PCDH15: variants seen among roughly 807,000 people sequenced by gnomAD.
The protein encoded by PCDH15 is protocadherin related 15.
In PCDH15, 129 loss-of-function variants were observed where a neutral mutation model predicts 178.5. The observed-to-expected ratio is 0.72, with a 90% CI of 0.63 to 0.84. The LOEUF is 0.84. PCDH15 is among the 40% of genes least tolerant of loss of function. The probability of loss-of-function intolerance (pLI) is 0.00; values close to 1 mark genes in which losing one functional copy is unlikely to be tolerated. For missense variants in PCDH15, 2,230 were observed against 2,099.9 expected (o/e 1.06, Z -1.21); for synonymous variants, 800 against 732.0 (o/e 1.09, Z -1.50).
intron 1 of PCDH15, among the ~76,000 whole-genome samples, chr10:55,258,867 C>A (rs1029707540): frequency 1.3e-5 from 2 of 150,438 alleles, no homozygotes; most frequent in Admixed American, 6.7e-5. Context: ...AACCGCAGGG[C>A]CTCTCAAAAA....
intron 2 of PCDH15, among the ~76,000 whole-genome samples, chr10:55,072,971 C>T (rs1035859553): frequency 7.2e-5 from 11 of 152,036 alleles, no homozygotes; most frequent in African/African-American, 2.7e-4. Context: ...TGTAATCCAG[C>T]ATATAAATAG....
intron 3 of PCDH15, among the ~76,000 whole-genome samples, chr10:54,887,913 T>C (rs910345404): frequency 2.0e-5 from 3 of 152,136 alleles, no homozygotes; most frequent in Non-Finnish European, 4.4e-5. Flanking sequence ...TCCAACTAGA[T>C]GTCATATTCT....
chr10:54,140,563 G>A (rs1480065639), intron 14 of PCDH15, among the ~76,000 whole-genome samples: 1 of 151,888 alleles, frequency 6.6e-6, no homozygotes, highest in Non-Finnish European at 1.5e-5. Context: ...CTGCCTCCCG[G>A]GTTCAAGTGA....
chr10:53,822,597 G>T (rs753050179), intron 32 of PCDH15: 1 of 1,613,950 alleles, frequency 6.2e-7, no homozygotes, highest in East Asian at 2.2e-5. Flanking sequence ...AGAGAGTGAA[G>T]AATGTAAAAC....
intron 1 of PCDH15, among the ~76,000 whole-genome samples, chr10:55,226,450 TGCAACCC>T (rs1841045878): frequency 6.6e-6 from 1 of 151,842 alleles, no homozygotes; most frequent in Admixed American, 6.6e-5. Context: ...CCTGCAACCC[TGCAACCC>T]TGCAACCTCT....
intron 2 of PCDH15, among the ~76,000 whole-genome samples, chr10:54,911,223 T>C (rs1303204516): frequency 6.6e-6 from 1 of 152,182 alleles, no homozygotes; most frequent in Non-Finnish European, 1.5e-5. Context: ...AGCTCAGATT[T>C]CATAGAAGGA....
rs1260726687 is a variant in PCDH15 at position 55,408,987 on chromosome 10, G to T, written c.-156+218638C>A. ...ATTATGTTTTTATCCTAATTCACTT[G>T]ACACTCTGTCTTTTTTACTGGAATC... On this transcript the variant is annotated intron_variant, in intron 2 of 5. Coordinates refer to the PCDH15 transcript ENST00000613346. Among the ~76,000 whole-genome samples, 3 of 152,036 alleles carry T rather than the reference G, an allele frequency of 2.0e-5. No individual in the cohort carries two copies. In the South Asian group the frequency reaches 6.2e-4, roughly 32 times the overall value.
chr10:54,753,516 A>C (rs7079568), intron 1 of PCDH15, among the ~76,000 whole-genome samples: 135,514 of 151,330 alleles, frequency 0.9, 60,503 homozygotes, highest in Admixed American at 0.94. Flanking sequence ...AACAAACAAA[A>C]AAAAAAACTT....
intron 37 of PCDH15, chr10:53,809,293 A>G (rs2075779179): frequency 1.2e-6 from 2 of 1,613,830 alleles, no homozygotes; most frequent in African/African-American, 1.3e-5. Context: ...CTCTTGGTCC[A>G]GAGTGAGTTT....
intron 25 of PCDH15, among the ~76,000 whole-genome samples, chr10:53,906,405 C>G (rs1233299724): frequency 1.3e-5 from 2 of 151,962 alleles, no homozygotes; most frequent in Non-Finnish European, 2.9e-5. Flanking sequence ...TGATTTTATT[C>G]TTATTAGATT....
chr10:54,415,821 T>G (rs1335981171), intron 3 of PCDH15, among the ~76,000 whole-genome samples: 1 of 152,144 alleles, frequency 6.6e-6, no homozygotes, highest in East Asian at 1.9e-4. Flanking sequence ...GGAAATGTTG[T>G]ATGATCTCGA....
intron 2 of PCDH15, among the ~76,000 whole-genome samples, chr10:55,158,803 C>A (rs988052173): frequency 6.6e-6 from 1 of 151,498 alleles, no homozygotes; most frequent in Non-Finnish European, 1.5e-5. Context: ...CATTTGTAAT[C>A]TCAAGGGATT....
chr10:54,470,473 TG>T (rs1460499500), intron 3 of PCDH15, among the ~76,000 whole-genome samples: 1 of 152,046 alleles, frequency 6.6e-6, no homozygotes, highest in Non-Finnish European at 1.5e-5. Context: ...TGCAAACTGG[TG>T]GGGACTGGGC....
At chr10:55,082,884 A>G (rs576838620) in intron 2 of PCDH15, among the ~76,000 whole-genome samples, 1 of 152,086 alleles carries the variant, frequency 6.6e-6, no homozygotes, top group East Asian at 1.9e-4. Flanking sequence ...ATAGCAAGTA[A>G]TGAGATCAAA....
intron 1 of PCDH15, among the ~76,000 whole-genome samples, chr10:55,176,656 C>T (rs549664063): frequency 6.6e-6 from 1 of 152,200 alleles, no homozygotes; most frequent in South Asian, 2.1e-4. Context: ...GGAGACGTTC[C>T]AGGATCACTA....
At chr10:54,645,365 CT>C (rs2135069203) in intron 2 of PCDH15, among the ~76,000 whole-genome samples, 1 of 151,854 alleles carries the variant, frequency 6.6e-6, no homozygotes, top group East Asian at 1.9e-4. Context: ...ATAGAAGAGA[CT>C]TGAATGAAAC....
chr10:55,320,643 A>T (rs568654399), upstream of PCDH15, among the ~76,000 whole-genome samples: 245 of 151,130 alleles, frequency 1.6e-3, no homozygotes, highest in African/African-American at 5.6e-3. Context: ...GCCTGATGCC[A>T]CCCCCCCCAG....
chr10:55,553,376 T>A (rs1842035028), intron 2 of PCDH15, among the ~76,000 whole-genome samples: 1 of 151,840 alleles, frequency 6.6e-6, no homozygotes, highest in African/African-American at 2.4e-5. Flanking sequence ...TTCTATGTAA[T>A]CCAGTAATTA....
At chr10:55,413,255 T>C (rs1381495726) in intron 2 of PCDH15, among the ~76,000 whole-genome samples, 2 of 151,664 alleles carry the variant, frequency 1.3e-5, no homozygotes, top group African/African-American at 2.4e-5. Context: ...TGTTGAGCAC[T>C]TATTGTTTGT....
Sources: gnomAD v4.1 joint callset for allele counts (sites outside exome capture counted in the v4.1 genomes callset) on GRCh38, gnomAD v4.1.1 for gene constraint, MANE v1.5 for transcripts, NCBI Gene and HGNC (gene_info 2026-07-23, HGNC 2026-07-21) for gene names.